COPG2: variants seen among roughly 807,000 people sequenced by gnomAD.
COPG2 encodes the protein coatomer subunit gamma-2.
In COPG2, 37 loss-of-function variants were observed where a neutral mutation model predicts 46.3. That is an observed-to-expected ratio of 0.80 (90% confidence interval 0.61 to 1.05). The LOEUF (loss-of-function observed/expected upper bound fraction) is 1.05, where lower values mean the gene tolerates loss of function less well. Among genes scored for constraint, COPG2 ranks in the 50% least tolerant of loss-of-function variants. COPG2 has a pLI of 0.00. For missense variants in COPG2, 427 were observed against 387.8 expected (o/e 1.10, Z -0.85); for synonymous variants, 159 against 129.7 (o/e 1.23, Z -1.53).
At chr7:130,606,067 C>T (rs1794722474) in intron 9 of COPG2, among the ~76,000 whole-genome samples, 2 of 152,030 alleles carry the variant, frequency 1.3e-5, no homozygotes, top group South Asian at 4.2e-4. Flanking sequence ...CTTAAATGAT[C>T]CACCCACCTC....
intron 5 of COPG2, among the ~76,000 whole-genome samples, chr7:130,630,329 C>G (rs1480828424): frequency 6.6e-6 from 1 of 152,192 alleles, no homozygotes; most frequent in African/African-American, 2.4e-5. Flanking sequence ...CTACTGTAAA[C>G]AGGATTAATT....
intron 5 of COPG2, among the ~76,000 whole-genome samples, chr7:130,644,924 T>C (rs1554457890): frequency 1.3e-5 from 2 of 151,718 alleles, no homozygotes; most frequent in African/African-American, 4.8e-5. Context: ...TAGCCGGGTG[T>C]GGTGGCAGGT....
chr7:130,600,044 TAC>T (rs1267881179), intron 9 of COPG2, among the ~76,000 whole-genome samples: 1 of 152,232 alleles, frequency 6.6e-6, no homozygotes, highest in Non-Finnish European at 1.5e-5. Context: ...ACAAATCAGT[TAC>T]AGTCTTACAT....
At chr7:130,665,399 T>C (rs1234664644) in intron 3 of COPG2, among the ~76,000 whole-genome samples, 2 of 152,162 alleles carry the variant, frequency 1.3e-5, no homozygotes, top group Non-Finnish European at 2.9e-5. Context: ...TGTATGTGTA[T>C]AGACATATAT....
At chr7:130,532,041 G>C (rs1309443205) in intron 20 of COPG2, among the ~76,000 whole-genome samples, 1 of 152,076 alleles carries the variant, frequency 6.6e-6, no homozygotes. Context: ...CTGCATCCTC[G>C]GGTGAGAATC....
At chr7:130,642,243 C>T (rs1247878234) in intron 5 of COPG2, among the ~76,000 whole-genome samples, 2 of 2,024 alleles carry the variant, frequency 9.9e-4, no homozygotes, top group Non-Finnish European at 2.3e-3. Context: ...CTAACTACAT[C>T]TCTTTTTTTT....
intron 20 of COPG2, among the ~76,000 whole-genome samples, chr7:130,539,952 G>A (rs1398638815): frequency 1.3e-5 from 2 of 152,052 alleles, no homozygotes; most frequent in Non-Finnish European, 1.5e-5. Flanking sequence ...GGAAGGAATG[G>A]CTGCTCTTAA....
chr7:130,524,160 C>T, intron 20 of COPG2, among the ~76,000 whole-genome samples: 1 of 152,168 alleles, frequency 6.6e-6, no homozygotes, highest in Non-Finnish European at 1.5e-5. Flanking sequence ...GGAAGGTACC[C>T]ATAGCCTGGA....
chr7:130,518,869 G>T lies in COPG2; in HGVS notation c.2150-10210C>A, dbSNP rs1799701026. Among the ~76,000 whole-genome samples, 6 of 152,128 alleles carry T rather than the reference G, an allele frequency of 3.9e-5. No individual in the cohort carries two copies. The South Asian group carries it at 1.2e-3, about 32-fold the overall frequency. The stretch of plus-strand genomic sequence containing the variant: ...AAATACAAAAAAATTAGCTGGGAGT[G>T]GTGGCACATGCCTGTAAGCCCAGCT... On this transcript the variant is annotated intron_variant, in intron 20 of 23. Transcript: ENST00000425248.
chr7:130,612,258 A>G lies in COPG2; in HGVS notation c.493-20T>C, dbSNP rs1388632441. The G allele has an allele frequency of 4.2e-6, 6 of 1,436,010 alleles. No homozygotes were observed. The African/African-American group carries it at 4.3e-5, about 10-fold the overall frequency. The allele number at this position is 1,436,010 out of a possible 1,614,324, so 89.0% of individuals were successfully genotyped here. On this transcript the variant is annotated intron_variant, in intron 7 of 23. Transcript: ENST00000425248. ...CATGTGCTAAATACAGAAAAAAAAA[A>G]ATGAGAATAAATAATGCTTGGTCAC...
chr7:130,659,970 A>G (rs1159712174), intron 4 of COPG2, among the ~76,000 whole-genome samples: 1 of 152,252 alleles, frequency 6.6e-6, no homozygotes, highest in African/African-American at 2.4e-5. Context: ...AAAAATGCAA[A>G]GTATTGATTA....
intron 9 of COPG2, among the ~76,000 whole-genome samples, chr7:130,590,542 T>C (rs1476748410): frequency 1.3e-5 from 2 of 151,812 alleles, no homozygotes; most frequent in Non-Finnish European, 2.9e-5. Context: ...GCAGACGGAG[T>C]TGCGTTCACT....
chr7:130,667,032 G>T (rs1442323436), intron 2 of COPG2, 103 bp from the exon 3 acceptor site: 2 of 633,930 alleles, frequency 3.2e-6, no homozygotes, highest in South Asian at 2.1e-5. Context: ...GGTATCCAAA[G>T]AACATTGTCT....
At chr7:130,572,494 A>G (rs1299696480) in intron 9 of COPG2, among the ~76,000 whole-genome samples, 2 of 152,180 alleles carry the variant, frequency 1.3e-5, no homozygotes, top group African/African-American at 2.4e-5. Flanking sequence ...ATTTAAAATG[A>G]CAGAAATCAT....
rs1795616190 is a variant in COPG2 at position 130,646,983 on chromosome 7, GTATATATATATATGTGTATATATA to G, written c.323+5862_323+5885del. On this transcript the variant is annotated intron_variant, in intron 5 of 23. Transcript: ENST00000425248. ...CATATATATATGTGTATATATATAT[GTATATATATATATGTGTATATATA>G]TATGTATATATATATATGTGTATAT... Among the ~76,000 whole-genome samples, 3 of 18,432 alleles carry G rather than the reference GTATATATATATATGTGTATATATA, an allele frequency of 1.6e-4. 1 individual carries two copies. The South Asian group carries it at 0.071, about 439-fold the overall frequency. 12.1% of individuals were successfully genotyped at this position (18,432 alleles called of 152,430 possible).
chr7:130,608,133 G>T, intron 9 of COPG2: 3 of 372,896 alleles, frequency 8.0e-6, no homozygotes, highest in South Asian at 2.1e-5. Flanking sequence ...AGATTTTTTT[G>T]TTAGTTATAA....
chr7:130,600,591 C>A (rs1194993289), intron 9 of COPG2, among the ~76,000 whole-genome samples: 1 of 152,108 alleles, frequency 6.6e-6, no homozygotes, highest in African/African-American at 2.4e-5. Context: ...GCACTACACA[C>A]TGATTCCTAT....
At chr7:130,512,609 G>A (rs1487570925) in intron 20 of COPG2, among the ~76,000 whole-genome samples, 8 of 151,556 alleles carry the variant, frequency 5.3e-5, no homozygotes, top group African/African-American at 7.3e-5. Context: ...GTGAAACCCC[G>A]TCTCTACTAA....
intron 20 of COPG2, chr7:130,511,646 T>C (rs1799597039): frequency 1.9e-6 from 1 of 515,706 alleles, no homozygotes. Context: ...GGGCCAAAAG[T>C]CATAAGAGAG....
Sources: gnomAD v4.1 joint callset for allele counts (sites outside exome capture counted in the v4.1 genomes callset) on GRCh38, gnomAD v4.1.1 for gene constraint, MANE v1.5 for transcripts, NCBI Gene and HGNC (gene_info 2026-07-23, HGNC 2026-07-21) for gene names.